Variants in OPALIN observed in about 807,000 individuals in gnomAD.
The protein encoded by OPALIN is oligodendrocytic myelin paranodal and inner loop protein, also known as transmembrane protein 10.
In OPALIN, 15 loss-of-function variants were observed where a neutral mutation model predicts 17.8. The observed-to-expected ratio is 0.84, with a 90% CI of 0.56 to 1.29. The LOEUF is 1.29. Among genes scored for constraint, OPALIN ranks in the 50% most tolerant of loss-of-function variants. The pLI is 0.00. For synonymous variants in OPALIN, 62 were observed against 63.8 expected, an observed-to-expected ratio of 0.97 and a Z score of 0.14; for missense variants, 170 against 176.0, an observed-to-expected ratio of 0.97 and a Z score of 0.19.
chr10:96,347,511 C>T (rs1051914270), intron 5 of OPALIN, among the ~76,000 whole-genome samples: 1 of 151,674 alleles, frequency 6.6e-6, no homozygotes, highest in African/African-American at 2.4e-5. Context: ...TTGCTCTTGT[C>T]ACCCGGCTGG....
chr10:96,350,906 G>A (rs1314270098), intron 3 of OPALIN, among the ~76,000 whole-genome samples: 1 of 124,458 alleles, frequency 8.0e-6, no homozygotes, highest in Non-Finnish European at 1.7e-5. Context: ...TTCACTTTAG[G>A]GGGAAATTGA....
chr10:96,358,827 G>A, intron 1 of OPALIN, 67 bp downstream of exon 1: 1 of 1,517,676 alleles, frequency 6.6e-7, no homozygotes, highest in East Asian at 2.2e-5. Flanking sequence ...ACATTTAATT[G>A]AATTTGGAGG....
At chr10:96,352,681 T>TAA (rs72007324) in intron 2 of OPALIN, among the ~76,000 whole-genome samples, 1,164 of 96,752 alleles carry the variant, frequency 0.012, 10 homozygotes, top group African/African-American at 0.04. Flanking sequence ...TGGCTTTCAC[T>TAA]AAAAAAAAAA....
intron 1 of OPALIN, among the ~76,000 whole-genome samples, chr10:96,358,220 C>T (rs1043475610): frequency 7.0e-5 from 4 of 57,400 alleles, no homozygotes; most frequent in African/African-American, 1.1e-4. Context: ...AAAAAAATTC[C>T]ACAAGAAAGT....
intron 3 of OPALIN, 37 bp from the exon 4 acceptor site, chr10:96,349,863 C>A: frequency 1.3e-6 from 2 of 1,556,306 alleles, no homozygotes; most frequent in East Asian, 2.3e-5. Context: ...CAGAGGAAGC[C>A]CAGAGTCTTC....
At chr10:96,357,574 C>G (rs987940965) in intron 1 of OPALIN, among the ~76,000 whole-genome samples, 1 of 152,188 alleles carries the variant, frequency 6.6e-6, no homozygotes, top group African/African-American at 2.4e-5. Flanking sequence ...CACAACAAAT[C>G]TATTCTCCAA....
chr10:96,353,677 T>C lies in OPALIN; in HGVS notation c.39+1578A>G, dbSNP rs151304451. Among the ~76,000 whole-genome samples, 584 of 152,356 alleles carry C rather than the reference T, an allele frequency of 3.8e-3. 8 individuals carry two copies. The highest frequency in any genetic ancestry group is 0.035 in the Admixed American group (538 of 15,302). On this transcript the variant is annotated intron_variant, in intron 2 of 5. Coordinates refer to ENST00000371172, the MANE Select transcript of OPALIN (RefSeq NM_033207.5). ...CCCAAGAAATGGCTTCTTGCTTCTC[T>C]GCATTCTCTTGATGTGATGGGCCAA...
chr10:96,348,003 A>G (rs376141618), intron 5 of OPALIN, among the ~76,000 whole-genome samples: 1 of 152,170 alleles, frequency 6.6e-6, no homozygotes, highest in East Asian at 1.9e-4. Flanking sequence ...ATCACTGTTA[A>G]GTTTTTTTGA....
At chr10:96,358,472 A>G (rs922597393) in intron 1 of OPALIN, among the ~76,000 whole-genome samples, 1 of 152,228 alleles carries the variant, frequency 6.6e-6, no homozygotes, top group African/African-American at 2.4e-5. Flanking sequence ...CTTCTAACTT[A>G]GCAAACTTCA....
intron 3 of OPALIN, 146 bp from the exon 4 acceptor site, chr10:96,349,972 G>A: frequency 1.2e-6 from 1 of 855,094 alleles, no homozygotes. Context: ...GAAATACTGT[G>A]CAAAAATGTT....
intron 2 of OPALIN, among the ~76,000 whole-genome samples, chr10:96,352,441 G>A (rs546960031): frequency 4.6e-5 from 7 of 152,100 alleles, no homozygotes; most frequent in African/African-American, 1.7e-4. Context: ...TGACTTCCAA[G>A]CCCAGACCTC....
rs1227983567 is a variant in OPALIN, at chr10:96,343,798, G to A, written c.*2143C>T. 6.6e-6 allele frequency: 1 copy of A among 152,244 alleles called. No homozygotes were observed. The highest frequency in any genetic ancestry group is 1.9e-4 in the East Asian group (1 of 5,198). The allele number at this position is 152,244 out of a possible 1,614,324, so 9.4% of individuals were successfully genotyped here. Reference sequence around the variant, plus strand: ...GATTGGGTTCATAGAACATGTTCTTGGTTATTCAGGGAAGAGGGGCATGTT... The same window carrying A: ...GATTGGGTTCATAGAACATGTTCTTAGTTATTCAGGGAAGAGGGGCATGTT... On this transcript the variant is annotated 3_prime_UTR_variant, in exon 6 of 6. Transcript: ENST00000371172.
At chr10:96,349,637 G>T (rs1845486857) in intron 4 of OPALIN, 70 bp downstream of exon 4, 2 of 1,537,812 alleles carry the variant, frequency 1.3e-6, no homozygotes, top group African/African-American at 2.8e-5. Context: ...GACACCCTTA[G>T]TCCAAAAGCC....
intron 1 of OPALIN, among the ~76,000 whole-genome samples, chr10:96,358,112 G>A (rs1490761514): frequency 8.1e-5 from 11 of 136,130 alleles, no homozygotes; most frequent in Non-Finnish European, 1.4e-4. Flanking sequence ...CTTTTAAGTG[G>A]TAGAGATCAG....
intron 2 of OPALIN, chr10:96,353,318 C>A: frequency 6.5e-7 from 1 of 1,532,192 alleles, no homozygotes; most frequent in Non-Finnish European, 8.9e-7. Context: ...TCCAAACTTC[C>A]CGCAGAGAGG....
intron 5 of OPALIN, among the ~76,000 whole-genome samples, chr10:96,346,616 G>T (rs1324974716): frequency 6.6e-6 from 1 of 151,926 alleles, no homozygotes; most frequent in Non-Finnish European, 1.5e-5. Context: ...CCTGTTTGTT[G>T]TGTCTTTTTA....
intron 4 of OPALIN, among the ~76,000 whole-genome samples, chr10:96,349,354 C>G (rs1845474230): frequency 6.6e-6 from 1 of 152,216 alleles, no homozygotes; most frequent in Admixed American, 6.5e-5. Flanking sequence ...TTATCTCCAT[C>G]CTTTCTTTGT....
intron 4 of OPALIN, among the ~76,000 whole-genome samples, chr10:96,348,645 A>G (rs1247690055): frequency 6.6e-6 from 1 of 152,232 alleles, no homozygotes; most frequent in African/African-American, 2.4e-5. Context: ...ACTTTAGTAT[A>G]TGTTTGAAAT....
intron 1 of OPALIN, among the ~76,000 whole-genome samples, chr10:96,356,202 T>C (rs1446253691): frequency 6.6e-6 from 1 of 152,202 alleles, no homozygotes; most frequent in Non-Finnish European, 1.5e-5. Context: ...GGCTGGGCCC[T>C]CCTTCAGCCT....
Sources: allele counts gnomAD v4.1 joint callset (sites outside exome capture counted in the v4.1 genomes callset), GRCh38; gene constraint gnomAD v4.1.1; transcripts MANE v1.5; gene names NCBI Gene and HGNC (gene_info 2026-07-23, HGNC 2026-07-21).